EYS: variants seen among roughly 807,000 people sequenced by gnomAD.
EYS encodes the protein protein eyes shut homolog.
Under a neutral mutation model 282.1 loss-of-function variants are expected in EYS, and 250 were observed. That is an observed-to-expected ratio of 0.89 (90% CI 0.80 to 0.98). The LOEUF (loss-of-function observed/expected upper bound fraction) is 0.98. Ranked by LOEUF, EYS falls within the 50% of genes least tolerant of loss-of-function variation. The probability of loss-of-function intolerance (pLI) is 0.00; values close to 1 mark genes in which losing one functional copy is unlikely to be tolerated. For missense variants in EYS, 4,016 were observed against 3,709.0 expected (o/e 1.08, Z -2.15); for synonymous variants, 1,355 against 1,282.9 (o/e 1.06, Z -1.20).
chr6:65,566,998 T>A (rs1764286383), intron 2 of EYS, among the ~76,000 whole-genome samples: 1 of 152,076 alleles, frequency 6.6e-6, no homozygotes, highest in Admixed American at 6.6e-5. Context: ...ACTCCCCAGT[T>A]CAAGTGTTGG....
chr6:64,978,610 T>C lies in EYS; in HGVS notation c.2259+18972A>G, dbSNP rs377242743. Among the ~76,000 whole-genome samples the C allele has an allele frequency of 3.3e-5, 5 of 151,970 alleles. No individual in the cohort carries two copies. The South Asian group carries it at 6.2e-4, about 19-fold the overall frequency. On this transcript the variant is annotated intron_variant, in intron 14 of 42. Transcript: ENST00000503581. ...TTCATAATGCTATAGCTGCTGTAGA[T>C]AGTAATTTCTCTGATGGATCTGGGA...
rs59035291 is a variant in EYS, at chr6:65,294,738, TTAAC to T, written c.2023+1121_2023+1124del. Among the ~76,000 whole-genome samples the T allele has an allele frequency of 8.5e-3, 1,294 of 151,988 alleles. 18 individuals are homozygous for T. Among genetic ancestry groups the T allele is most frequent in the African/African-American group, 0.029 (1,219 of 41,504 alleles). ...TCTTTATTTTATGTAAAATTACTGC[TTAAC>T]TATATATTTACTGATATTTGGAAGA... On this transcript the variant is annotated intron_variant, in intron 12 of 42. Transcript: ENST00000503581.
intron 9 of EYS, among the ~76,000 whole-genome samples, chr6:65,347,214 TAC>T (rs1491430928): frequency 6.6e-6 from 1 of 151,812 alleles, no homozygotes; most frequent in African/African-American, 2.4e-5. Context: ...ATTATATACT[TAC>T]AGTGTTTTTT....
At chr6:64,044,830 A>G (rs1178407843) in intron 33 of EYS, among the ~76,000 whole-genome samples, 1 of 152,210 alleles carries the variant, frequency 6.6e-6, no homozygotes, top group African/African-American at 2.4e-5. Flanking sequence ...GCACAAAAAT[A>G]AAAGGCAGAA....
chr6:65,580,131 C>T (rs1424231954), intron 2 of EYS, among the ~76,000 whole-genome samples: 3 of 151,980 alleles, frequency 2.0e-5, no homozygotes, highest in Non-Finnish European at 4.4e-5. Flanking sequence ...AAAAATGTCA[C>T]AGAAAAATAT....
intron 26 of EYS, among the ~76,000 whole-genome samples, chr6:64,542,992 A>C (rs1281612939): frequency 6.6e-6 from 1 of 152,134 alleles, no homozygotes; most frequent in East Asian, 1.9e-4. Context: ...TAGGAAATTG[A>C]TGTCTTAGTT....
At chr6:65,515,764 G>A (rs1378937294) in intron 2 of EYS, among the ~76,000 whole-genome samples, 1 of 136,574 alleles carries the variant, frequency 7.3e-6, no homozygotes, top group Non-Finnish European at 1.5e-5. Flanking sequence ...ACACAGGAAG[G>A]GGAACATCAC....
chr6:65,342,783 G>A (rs77930968), intron 10 of EYS, among the ~76,000 whole-genome samples: 3,120 of 150,584 alleles, frequency 0.021, 114 homozygotes, highest in African/African-American at 0.072. Context: ...CTATATTTGC[G>A]TATTTTCTTG....
At chr6:65,016,293 C>G (rs916501156) in intron 13 of EYS, among the ~76,000 whole-genome samples, 1 of 151,972 alleles carries the variant, frequency 6.6e-6, no homozygotes, top group African/African-American at 2.4e-5. Context: ...CTTTTGATAT[C>G]AAGTTCATTA....
At chr6:63,837,018 G>A (rs1402524691) in intron 36 of EYS, among the ~76,000 whole-genome samples, 3 of 151,734 alleles carry the variant, frequency 2.0e-5, no homozygotes, top group African/African-American at 7.3e-5. Flanking sequence ...GACTATTTTT[G>A]TTTTGTATTC....
intron 2 of EYS, among the ~76,000 whole-genome samples, chr6:65,528,167 A>C (rs1280240598): frequency 1.3e-5 from 2 of 152,162 alleles, no homozygotes. Context: ...AAGTAGAAAT[A>C]ATTTATATTT....
At chr6:65,282,016 G>A (rs1304539605) in intron 12 of EYS, among the ~76,000 whole-genome samples, 2 of 151,520 alleles carry the variant, frequency 1.3e-5, no homozygotes, top group Non-Finnish European at 2.9e-5. Flanking sequence ...TTAATATGTG[G>A]AATCTTAAAC....
At chr6:64,766,649 A>AATATATATAT (rs70999172) in intron 22 of EYS, among the ~76,000 whole-genome samples, 999 of 18,888 alleles carry the variant, frequency 0.053, 103 homozygotes, top group South Asian at 0.075. Context: ...AAAAAAAAAA[A>AATATATATAT]ATATATATAT....
At chr6:64,395,121 G>A (rs1255363865) in intron 28 of EYS, among the ~76,000 whole-genome samples, 1 of 152,046 alleles carries the variant, frequency 6.6e-6, no homozygotes, top group East Asian at 1.9e-4. Context: ...TCATTAAAAA[G>A]TCAGGAAACA....
At chr6:65,247,995 AT>A (rs1767224327) in intron 12 of EYS, among the ~76,000 whole-genome samples, 1 of 151,986 alleles carries the variant, frequency 6.6e-6, no homozygotes, top group Non-Finnish European at 1.5e-5. Context: ...TACATTTGTG[AT>A]TTTAGATTGC....
chr6:64,682,906 G>A (rs1168335506), intron 22 of EYS, among the ~76,000 whole-genome samples: 1 of 152,144 alleles, frequency 6.6e-6, no homozygotes, highest in Non-Finnish European at 1.5e-5. Context: ...AAGAATTGAG[G>A]TTGCTTCCTG....
chr6:64,656,856 G>A (rs1372436048), intron 22 of EYS, among the ~76,000 whole-genome samples: 1 of 152,188 alleles, frequency 6.6e-6, no homozygotes, highest in African/African-American at 2.4e-5. Flanking sequence ...GAAATTGGCT[G>A]TAAAAGGTTG....
chr6:65,653,324 T>C (rs761260760), intron 1 of EYS, among the ~76,000 whole-genome samples: 4 of 151,852 alleles, frequency 2.6e-5, no homozygotes, highest in Non-Finnish European at 5.9e-5. Flanking sequence ...GCATAGTTTA[T>C]ATGTAAGGGG....
At chr6:65,179,077 T>A (rs371638523) in intron 12 of EYS, among the ~76,000 whole-genome samples, 2 of 151,898 alleles carry the variant, frequency 1.3e-5, no homozygotes, top group Admixed American at 1.3e-4. Flanking sequence ...TAGAGGGAAA[T>A]TTATAGCACT....
Sources: allele counts gnomAD v4.1 joint callset (sites outside exome capture counted in the v4.1 genomes callset), GRCh38; gene constraint gnomAD v4.1.1; transcripts MANE v1.5; gene names NCBI Gene and HGNC (gene_info 2026-07-23, HGNC 2026-07-21).